The following REPIN1 variants were observed in gnomAD, a reference collection of about 807,000 sequenced individuals.
REPIN1 encodes the protein replication initiator 1, also known as DNA-binding protein REPIN1.
REPIN1 carries 4 observed loss-of-function variants against 5.7 expected under a neutral mutation model. The observed-to-expected ratio is 0.71, with a 90% CI of 0.35 to 1.62. The LOEUF (loss-of-function observed/expected upper bound fraction) is 1.62, where lower values mean the gene tolerates loss of function less well. REPIN1 is among the 40% of genes most tolerant of loss of function. The probability of loss-of-function intolerance (pLI) is 0.05; values close to 1 mark genes in which losing one functional copy is unlikely to be tolerated. For synonymous variants in REPIN1, 410 were observed against 386.2 expected (o/e 1.06, Z -0.72); for missense variants, 854 against 901.0 (o/e 0.95, Z 0.67).
At position 150,373,024 on chromosome 7, in the gene REPIN1, G is replaced by A; in HGVS notation, c.*79G>A. ...GAGTCGCAGTGGGCTGGGGGTGCCT[G>A]CCTAGTGCTGGAGTAGGGGACAATG... is the stretch of plus-strand genomic sequence containing the variant. On this transcript the variant is annotated 3_prime_UTR_variant, in exon 3 of 3. Transcript: ENST00000489432. 2 of 1,540,618 alleles carry A rather than the reference G, an allele frequency of 1.3e-6. No individual in the cohort carries two copies. Among genetic ancestry groups the A allele is most frequent in the Middle Eastern group, 1.7e-4 (1 of 5,728 alleles).
intron 2 of REPIN1, chr7:150,370,608 C>T: frequency 1.6e-6 from 1 of 625,882 alleles, no homozygotes; most frequent in Non-Finnish European, 2.9e-6. Context: ...TCTCTGAGAT[C>T]TTTGCAAACC....
Position 150,371,669 on chromosome 7 carries a change from G to A in REPIN1, c.599G>A (p.Arg200Gln), listed in dbSNP as rs763719364. Residue 200 changes from arginine (R) to glutamine (Q), a missense_variant, in exon 3 of 3, where the codon CGG becomes CAG. By Grantham distance (43) the Arg-to-Gln change is conservative. Coordinates refer to ENST00000489432, the MANE Select transcript of REPIN1 (RefSeq NM_001099695.2). Reference protein sequence around the residue: ...LHLRAHSAAKRPIACPKCERR... With the variant: ...LHLRAHSAAKQPIACPKCERR... ...CTGCGGGCCCATTCAGCTGCAAAGC[G>A]GCCCATCGCTTGTCCCAAATGCGAG... 1.0e-5 allele frequency: 16 copies of A among 1,605,136 alleles called. No individual in the cohort carries two copies. Among genetic ancestry groups the A allele is most frequent in the East Asian group, 2.2e-5 (1 of 44,874 alleles).
intron 1 of REPIN1, chr7:150,369,299 A>G: frequency 2.4e-6 from 1 of 420,906 alleles, no homozygotes; most frequent in Non-Finnish European, 4.4e-6. Context: ...CCCCATGGGA[A>G]ATAGGCCTGG....
chr7:150,368,914 C>G lies in REPIN1; in HGVS notation c.-69C>G. 2.8e-6 allele frequency: 1 copy of G among 363,558 alleles called. No homozygotes were observed. Among genetic ancestry groups the G allele is most frequent in the Non-Finnish European group, 4.9e-6 (1 of 204,264 alleles). 22.5% of individuals were successfully genotyped at this position (363,558 alleles called of 1,614,324 possible). A position where few individuals can be genotyped will look rare whatever the true frequency, so the allele number is the denominator to read the frequency against. ...GGCCTTCGGGCTCCATGGACGGGCG[C>G]CGCGTCCCTGCACAGCCCGCCGCAG... On this transcript the variant is annotated 5_prime_UTR_variant, in exon 1 of 3. Coordinates refer to ENST00000489432, the MANE Select transcript of REPIN1 (RefSeq NM_001099695.2).
chr7:150,370,828 C>T, intron 2 of REPIN1: 1 of 702,064 alleles, frequency 1.4e-6, no homozygotes, highest in Non-Finnish European at 2.6e-6. Flanking sequence ...TAGGAAACAG[C>T]AGACACAGGG....
chr7:150,368,997 C>T, intron 1 of REPIN1, 56 bp downstream of exon 1: 1 of 376,004 alleles, frequency 2.7e-6, no homozygotes, highest in Non-Finnish European at 4.7e-6. Context: ...GCCGCTCCAC[C>T]TGCGGGGCGC....
At chr7:150,370,573 G>A (rs887160475) in intron 2 of REPIN1, 1 of 595,446 alleles carries the variant, frequency 1.7e-6, no homozygotes, top group East Asian at 2.8e-5. Flanking sequence ...GTGGGGCTAG[G>A]AATGAAAAGC....
In REPIN1 at chr7:150,371,214, T is replaced by G. The variant is rs552082187; in HGVS notation, c.158-14T>G. ...GAGTTGGTCTCTGGAGTGACTGTGC[T>G]TTTCCACCCTCAGCAGAGGAAGAAC... On this transcript the variant is annotated splice_polypyrimidine_tract_variant and intron_variant, in intron 2 of 2. Transcript: ENST00000489432. 3.2e-6 allele frequency: 5 copies of G among 1,564,642 alleles called. No homozygotes were observed. The South Asian group carries it at 6.0e-5, about 19-fold the overall frequency.
At chr7:150,370,457 G>A (rs937028224) in intron 2 of REPIN1, 1 of 418,348 alleles carries the variant, frequency 2.4e-6, no homozygotes, top group South Asian at 2.3e-5. Context: ...AGACTGCCGG[G>A]AGTAGCACCC....
rs201119833 is a variant in REPIN1, at chr7:150,371,348, G to A, written c.278G>A (p.Arg93His). Residue 93 changes from arginine to histidine, a missense_variant, in exon 3 of 3, where the codon CGC becomes CAC. Physicochemically the swap from Arg to His is conservative, Grantham distance 29 (BLOSUM62 0). Coordinates refer to ENST00000489432, the MANE Select transcript of REPIN1 (RefSeq NM_001099695.2). ...ESPQTLGKES[R>H]GLRQQGTSVA... Reference sequence around the variant, plus strand: ...CCCCAGACCCTGGGGAAGGAGTCCCGCGGGCTGAGGCAACAAGGCACGTCA... The same window carrying A: ...CCCCAGACCCTGGGGAAGGAGTCCCACGGGCTGAGGCAACAAGGCACGTCA... 42 of 1,586,440 alleles carry A rather than the reference G, an allele frequency of 2.6e-5. No homozygotes were observed. Among genetic ancestry groups the A allele is most frequent in the Non-Finnish European group, 3.3e-5 (39 of 1,167,566 alleles).
At chr7:150,371,077 C>G in intron 2 of REPIN1, 151 bp from the exon 3 acceptor site, 1 of 843,776 alleles carries the variant, frequency 1.2e-6, no homozygotes, top group Non-Finnish European at 1.8e-6. Context: ...ATAATACATA[C>G]CACACAAGGA....
At position 150,371,429 on chromosome 7, in the gene REPIN1, G is replaced by A. The variant is rs1024096447; in HGVS notation, c.359G>A (p.Arg120Gln). The A allele has an allele frequency of 3.6e-5, 58 of 1,603,436 alleles. No individual in the cohort carries two copies. Among genetic ancestry groups the A allele is most frequent in the Middle Eastern group, 1.6e-4 (1 of 6,076 alleles). Residue 120 changes from arginine (R) to glutamine (Q), a missense_variant, in exon 3 of 3, where the codon CGA becomes CAA. Arg to Gln is a conservative substitution (Grantham distance 43, BLOSUM62 1). Coordinates refer to ENST00000489432, the MANE Select transcript of REPIN1 (RefSeq NM_001099695.2). ...AGGGCCCATCGCTGTGCCCACTGTC[G>A]AAGGCACTTCCCTGGCTGGGTGGCT... ...PGRAHRCAHC[R>Q]RHFPGWVALW...
In REPIN1 at chr7:150,372,893, C is replaced by T; in HGVS notation, c.1823C>T (p.Thr608Ile). 4 of 1,613,382 alleles carry T rather than the reference C, an allele frequency of 2.5e-6. No homozygotes were observed. The highest frequency in any genetic ancestry group is 1.1e-5 in the South Asian group (1 of 91,082). Residue 608 changes from threonine to isoleucine, a missense_variant, in exon 3 of 3, where the codon ACC becomes ATC. Physicochemically the swap from Thr to Ile is moderately conservative, Grantham distance 89. This residue lies in a region of REPIN1 where 101 missense variants were observed against 124.7 expected (regional missense o/e 0.81). Transcript: ENST00000489432. ...TTCTGCTGTGCCATCTGTGGCCAGA[C>T]CTTCGACGACGAGGAGAGACTCCTG... Reference protein sequence around the residue: ...GAFCCAICGQTFDDEERLLAH... With the variant: ...GAFCCAICGQIFDDEERLLAH...
At chr7:150,371,170 G>A (rs1799668671) in intron 2 of REPIN1, 58 bp from the exon 3 acceptor site, 2 of 1,484,358 alleles carry the variant, frequency 1.3e-6, no homozygotes, top group Non-Finnish European at 1.8e-6. Context: ...GGTTGGGAGG[G>A]GAGAAACAGG....
At position 150,371,307 on chromosome 7, in the gene REPIN1, G is replaced by C; in HGVS notation, c.237G>C (p.Gly79=). ...TGGCCCAGCCCCGACTCCTTTCTGG[G>C]CCCTCCCAGGAGTCACCCCAGACCC... ...MGLAQPRLLS[G]PSQESPQTLG... The change falls in exon 3 of 3, where the codon GGG becomes GGC. Residue 79 remains glycine, a synonymous_variant. Coordinates refer to ENST00000489432, the MANE Select transcript of REPIN1 (RefSeq NM_001099695.2). 1 of 1,587,236 alleles carries C rather than the reference G, an allele frequency of 6.3e-7. No homozygotes were observed. Among genetic ancestry groups the C allele is most frequent in the Non-Finnish European group, 8.6e-7 (1 of 1,167,746 alleles).
chr7:150,370,815 G>A, intron 2 of REPIN1: 1 of 702,276 alleles, frequency 1.4e-6, no homozygotes. Context: ...CTCGGATGTG[G>A]CATAGGAAAC....
rs1437117507 is a variant in REPIN1 at position 150,373,154 on chromosome 7, C to T, written c.*209C>T. 5.8e-6 allele frequency: 4 copies of T among 688,626 alleles called. No individual in the cohort carries two copies. The highest frequency in any genetic ancestry group is 1.9e-5 in the South Asian group (1 of 51,530). The allele number at this position is 688,626 out of a possible 1,614,324, so 42.7% of individuals were successfully genotyped here. ...GGGAACCCACTTCCAAGCGCAGGGACGCCGGCCTCCAGCTGGTGTGTGCTA... is the reference window on the plus strand; with the variant it reads ...GGGAACCCACTTCCAAGCGCAGGGATGCCGGCCTCCAGCTGGTGTGTGCTA... On this transcript the variant is annotated 3_prime_UTR_variant, in exon 3 of 3. Transcript: ENST00000489432.
At position 150,371,323 on chromosome 7, in the gene REPIN1, C is replaced by G; in HGVS notation, c.253C>G (p.Pro85Ala). Reference sequence around the variant, plus strand: ...CCTTTCTGGGCCCTCCCAGGAGTCACCCCAGACCCTGGGGAAGGAGTCCCG... The same window carrying G: ...CCTTTCTGGGCCCTCCCAGGAGTCAGCCCAGACCCTGGGGAAGGAGTCCCG... ...RLLSGPSQES[P>A]QTLGKESRGL... Residue 85 changes from proline to alanine, a missense_variant, in exon 3 of 3, where the codon CCC (proline) becomes GCC (alanine). Pro to Ala is a conservative substitution (Grantham distance 27). Around this residue, in one of 5 missense-constraint regions of REPIN1, gnomAD observed 409 missense variants for 418.6 expected, o/e 0.98. Coordinates refer to ENST00000489432, the MANE Select transcript of REPIN1 (RefSeq NM_001099695.2). 1.3e-6 allele frequency: 2 copies of G among 1,584,928 alleles called. No homozygotes were observed. The highest frequency in any genetic ancestry group is 1.7e-6 in the Non-Finnish European group (2 of 1,166,618).
chr7:150,371,685 C>T lies in REPIN1; in HGVS notation c.615C>T (p.Pro205=). 2 of 1,606,044 alleles carry T rather than the reference C, an allele frequency of 1.2e-6. 1 individual carries two copies. The highest frequency in any genetic ancestry group is 2.2e-5 in the South Asian group (2 of 90,992). The part of the protein sequence containing the change: ...HSAAKRPIAC[P]KCERRFWRRK... ...CTGCAAAGCGGCCCATCGCTTGTCC[C>T]AAATGCGAGAGACGCTTCTGGCGAC... The change falls in exon 3 of 3, where the codon CCC becomes CCT. Residue 205 remains proline (P), a synonymous_variant. Transcript: ENST00000489432.
Sources: allele counts gnomAD v4.1 joint callset, GRCh38; gene constraint gnomAD v4.1.1; regional missense constraint gnomAD v4.1.1; transcripts MANE v1.5; gene names NCBI Gene and HGNC (gene_info 2026-07-23, HGNC 2026-07-21).